The following FSTL5 variants were observed in gnomAD, a reference collection of about 807,000 sequenced individuals.
FSTL5 encodes follistatin like 5, also known as follistatin-related protein 5.
A neutral mutation model predicts 89.1 loss-of-function variants in FSTL5; 62 were observed. That is an observed-to-expected ratio of 0.70 (90% CI 0.57 to 0.86). The LOEUF is 0.86. Among genes scored for constraint, FSTL5 ranks in the 40% least tolerant of loss-of-function variants. The probability of loss-of-function intolerance (pLI) is 0.00; values close to 1 mark genes in which losing one functional copy is unlikely to be tolerated. For missense variants in FSTL5, 1,057 were observed against 1,001.6 expected (o/e 1.06, Z -0.75); for synonymous variants, 383 against 346.2 (o/e 1.11, Z -1.18).
chr4:161,907,822 C>A (rs147233023), intron 4 of FSTL5, among the ~76,000 whole-genome samples: 7 of 152,144 alleles, frequency 4.6e-5, no homozygotes, highest in African/African-American at 1.4e-4. Flanking sequence ...ATTAATTATC[C>A]ACACATTCCT....
Position 162,065,842 on chromosome 4 carries a change from G to A in FSTL5, c.127-32184C>T, listed in dbSNP as rs1477749146. 8.6e-5 allele frequency among the ~76,000 whole-genome samples: 13 copies of A among 151,790 alleles called. No individual in the cohort carries two copies. The East Asian group carries it at 9.7e-4, about 11-fold the overall frequency. ...GATTATGTTATCATTATGAAATGAC[G>A]GTCTTTATCTTTTGTAATATGCTCT... On this transcript the variant is annotated intron_variant, in intron 2 of 15. Coordinates refer to ENST00000306100, the MANE Select transcript of FSTL5 (RefSeq NM_020116.5).
chr4:161,948,958 G>A (rs1334962894), intron 3 of FSTL5, among the ~76,000 whole-genome samples: 1 of 152,022 alleles, frequency 6.6e-6, no homozygotes, highest in Non-Finnish European at 1.5e-5. Flanking sequence ...AAATGCAATG[G>A]CTTAAAACAG....
chr4:161,537,156 T>C (rs1045278555), intron 10 of FSTL5, among the ~76,000 whole-genome samples: 2 of 152,152 alleles, frequency 1.3e-5, no homozygotes, highest in African/African-American at 4.8e-5. Flanking sequence ...CTCATGTCAA[T>C]ATGCACTAAG....
At chr4:161,598,356 CAG>C (rs1379699783) in intron 7 of FSTL5, among the ~76,000 whole-genome samples, 5 of 148,848 alleles carry the variant, frequency 3.4e-5, no homozygotes, top group Admixed American at 1.4e-4. Context: ...GCCTCAGTGA[CAG>C]AGTGAGACCC....
intron 15 of FSTL5, among the ~76,000 whole-genome samples, chr4:161,440,890 T>C (rs1447401175): frequency 2.6e-5 from 4 of 152,140 alleles, no homozygotes; most frequent in African/African-American, 4.8e-5. Context: ...AGTCCATTAC[T>C]AATTTATTTT....
At chr4:161,495,707 C>A (rs1325345781) in intron 12 of FSTL5, among the ~76,000 whole-genome samples, 1 of 152,062 alleles carries the variant, frequency 6.6e-6, no homozygotes, top group Non-Finnish European at 1.5e-5. Flanking sequence ...CAGGTCTTAT[C>A]TAAACTTTAC....
At chr4:161,838,227 A>T (rs1731104862) in intron 4 of FSTL5, among the ~76,000 whole-genome samples, 1 of 152,326 alleles carries the variant, frequency 6.6e-6, no homozygotes, top group African/African-American at 2.4e-5. Context: ...AAGGTAAGAA[A>T]TTGTATGTTT....
chr4:161,421,688 A>G (rs939410536), intron 15 of FSTL5, among the ~76,000 whole-genome samples: 1 of 152,240 alleles, frequency 6.6e-6, no homozygotes, highest in Non-Finnish European at 1.5e-5. Flanking sequence ...TGGATGAGGC[A>G]GATGGCTCTC....
chr4:161,835,607 GA>G (rs1288802499), intron 4 of FSTL5, among the ~76,000 whole-genome samples: 8 of 151,418 alleles, frequency 5.3e-5, no homozygotes, highest in African/African-American at 1.7e-4. Context: ...AAATTTACAA[GA>G]AAAAAACAAA....
At chr4:161,412,137 G>A (rs1003137452) in intron 15 of FSTL5, among the ~76,000 whole-genome samples, 4 of 151,906 alleles carry the variant, frequency 2.6e-5, no homozygotes. Flanking sequence ...AAACAAGGAG[G>A]GTGAAAGACC....
At chr4:161,674,480 A>G (rs930919782) in intron 6 of FSTL5, among the ~76,000 whole-genome samples, 2 of 152,102 alleles carry the variant, frequency 1.3e-5, no homozygotes, top group Non-Finnish European at 2.9e-5. Flanking sequence ...AAAATAATAC[A>G]TTGTCTGCAT....
At chr4:161,804,321 A>C (rs1443351131) in intron 4 of FSTL5, among the ~76,000 whole-genome samples, 1 of 152,022 alleles carries the variant, frequency 6.6e-6, no homozygotes, top group African/African-American at 2.4e-5. Flanking sequence ...GATGCCAAGA[A>C]TTGTGATAAG....
chr4:161,874,775 TG>T (rs1433297212), intron 4 of FSTL5, among the ~76,000 whole-genome samples: 1 of 152,156 alleles, frequency 6.6e-6, no homozygotes, highest in Non-Finnish European at 1.5e-5. Flanking sequence ...CCATAAATCA[TG>T]TAAACAAATT....
At chr4:161,671,556 G>T (rs998338311) in intron 6 of FSTL5, among the ~76,000 whole-genome samples, 1 of 152,060 alleles carries the variant, frequency 6.6e-6, no homozygotes, top group Non-Finnish European at 1.5e-5. Context: ...ACACATGTAA[G>T]TTTTAAAAAT....
intron 6 of FSTL5, among the ~76,000 whole-genome samples, chr4:161,673,429 TTAGAAAAA>T (rs1737189413): frequency 6.6e-6 from 1 of 152,054 alleles, no homozygotes; most frequent in Non-Finnish European, 1.5e-5. Flanking sequence ...ACTGTATTTA[TTAGAAAAA>T]TTAAATACAT....
At chr4:161,651,721 G>T (rs1736350992) in intron 7 of FSTL5, among the ~76,000 whole-genome samples, 1 of 152,062 alleles carries the variant, frequency 6.6e-6, no homozygotes, top group Non-Finnish European at 1.5e-5. Flanking sequence ...AGACACAGAG[G>T]GTTTAAATAA....
intron 3 of FSTL5, among the ~76,000 whole-genome samples, chr4:162,015,434 T>C (rs980912821): frequency 3.9e-5 from 6 of 152,188 alleles, no homozygotes; most frequent in African/African-American, 1.2e-4. Context: ...AAATAGTTTC[T>C]GGAATATGCG....
chr4:161,982,065 C>A (rs1026385007), intron 3 of FSTL5, among the ~76,000 whole-genome samples: 2 of 152,166 alleles, frequency 1.3e-5, no homozygotes, highest in East Asian at 3.9e-4. Context: ...ATTTGTTATG[C>A]TTCTGGCTCC....
At chr4:161,942,410 A>G (rs1734612812) in intron 3 of FSTL5, among the ~76,000 whole-genome samples, 1 of 152,010 alleles carries the variant, frequency 6.6e-6, no homozygotes, top group African/African-American at 2.4e-5. Context: ...TAAAAAGAAG[A>G]TTCAAATTAT....
Sources: gnomAD v4.1 joint callset for allele counts (sites outside exome capture counted in the v4.1 genomes callset) on GRCh38, gnomAD v4.1.1 for gene constraint, MANE v1.5 for transcripts, NCBI Gene and HGNC (gene_info 2026-07-23, HGNC 2026-07-21) for gene names.